ANKEF1: variants seen among roughly 807,000 people sequenced by gnomAD.
ANKEF1 encodes ankyrin repeat and EF-hand domain containing 1, also known as ankyrin repeat and EF-hand domain-containing protein 1.
In ANKEF1, 43 loss-of-function variants were observed where a neutral mutation model predicts 65.1. The ratio of observed to expected loss-of-function variants is 0.66; its 90% CI spans 0.52 to 0.85. The LOEUF (loss-of-function observed/expected upper bound fraction) is 0.85. Ranked by LOEUF, ANKEF1 falls within the 40% of genes least tolerant of loss-of-function variation. ANKEF1 has a pLI of 0.00. For synonymous variants in ANKEF1, 316 were observed against 341.5 expected, an observed-to-expected ratio of 0.93 and a Z score of 0.82; for missense variants, 934 against 952.9, an observed-to-expected ratio of 0.98 and a Z score of 0.26.
chr20:10,053,299 A>G (rs773023891), intron 9 of ANKEF1, 24 bp downstream of exon 9: 2 of 1,573,916 alleles, frequency 1.3e-6, no homozygotes, highest in Non-Finnish European at 1.7e-6. Context: ...TTGACTACCC[A>G]TTAGTAACTG....
intron 6 of ANKEF1, among the ~76,000 whole-genome samples, chr20:10,048,056 G>A (rs980152899): frequency 6.6e-6 from 1 of 152,088 alleles, no homozygotes; most frequent in Admixed American, 6.5e-5. Flanking sequence ...CAGCATATCA[G>A]AATTAGTATG....
At position 10,056,292 on chromosome 20, in the gene ANKEF1, AG is replaced by A; in HGVS notation, c.*633del. ...TTAACAGCCCTAGATCGATAGCCCT[AG>A]CCCTAGATAGATAGCCCTAGCCCTA... On this transcript the variant is annotated 3_prime_UTR_variant, in exon 11 of 11. Coordinates refer to ENST00000378392, the MANE Select transcript of ANKEF1 (RefSeq NM_022096.6). 1 of 55,000 alleles carries A rather than the reference AG, an allele frequency of 1.8e-5. No individual in the cohort carries two copies. The highest frequency in any genetic ancestry group is 4.9e-5 in the Non-Finnish European group (1 of 20,496). 3.4% of individuals were successfully genotyped at this position (55,000 alleles called of 1,614,324 possible).
chr20:10,058,076 A>G lies in ANKEF1; in HGVS notation c.*2416A>G, dbSNP rs1985265642. ...CTCAGTACATCATATCAGGAGGCAC[A>G]TGATGTTGATACCTGATATAAACTT... On this transcript the variant is annotated 3_prime_UTR_variant, in exon 11 of 11. Coordinates refer to ENST00000378392, the MANE Select transcript of ANKEF1 (RefSeq NM_022096.6). 1 of 152,210 alleles carries G rather than the reference A, an allele frequency of 6.6e-6. No homozygotes were observed. The allele number at this position is 152,210 out of a possible 1,614,324, so 9.4% of individuals were successfully genotyped here.
intron 2 of ANKEF1, among the ~76,000 whole-genome samples, chr20:10,037,062 G>T (rs564038280): frequency 1.3e-5 from 2 of 152,306 alleles, no homozygotes; most frequent in Admixed American, 6.5e-5. Context: ...GCTCACTGCC[G>T]TAGAGAATGT....
Position 10,049,912 on chromosome 20 carries a change from A to T in ANKEF1, c.1343A>T (p.Asp448Val), listed in dbSNP as rs1324985814. 1 of 1,614,062 alleles carries T rather than the reference A, an allele frequency of 6.2e-7. No homozygotes were observed. The highest frequency in any genetic ancestry group is 8.5e-7 in the Non-Finnish European group (1 of 1,180,036). The change falls in exon 7 of 11, where the codon GAT becomes GTT. Residue 448 changes from aspartate (D) to valine (V), a missense_variant. Transcript: ENST00000378392. ...IPEYAFPRRQ[D>V]GGPPYYMIET... ...GAGTACGCGTTTCCACGCCGGCAGG[A>T]TGGTGGGCCACCGTATTACATGATT...
intron 3 of ANKEF1, among the ~76,000 whole-genome samples, chr20:10,039,993 AG>A (rs1235252905): frequency 6.6e-6 from 1 of 152,262 alleles, no homozygotes; most frequent in African/African-American, 2.4e-5. Flanking sequence ...ACAATGTAAA[AG>A]TGTAAATTTT....
At chr20:10,036,698 C>G (rs1983878698) in intron 2 of ANKEF1, among the ~76,000 whole-genome samples, 1 of 152,076 alleles carries the variant, frequency 6.6e-6, no homozygotes. Context: ...AAAAATTAGC[C>G]AGGTGTGGTG....
rs969710887 is a variant in ANKEF1 at position 10,053,193 on chromosome 20, C to A, written c.1952C>A (p.Pro651Gln). 6.2e-7 allele frequency: 1 copy of A among 1,613,324 alleles called. No homozygotes were observed. The highest frequency in any genetic ancestry group is 1.3e-5 in the African/African-American group (1 of 74,824). The change falls in exon 9 of 11, where the codon CCG becomes CAG. Residue 651 changes from proline to glutamine, a missense_variant. Physicochemically the swap from Pro to Gln is moderately conservative, Grantham distance 76. Coordinates refer to ENST00000378392, the MANE Select transcript of ANKEF1 (RefSeq NM_022096.6). ...ATTAAAGAAAAGCTAGATAACTTGC[C>A]GAAACCAGCAGAAAATCAAAAACTA... The part of the protein sequence containing the change: ...DLIKEKLDNL[P>Q]KPAENQKLKG...
chr20:10,049,421 T>C lies in ANKEF1; in HGVS notation c.852T>C (p.His284=). Residue 284 remains histidine (H), a synonymous_variant, in exon 7 of 11, where the codon CAT becomes CAC. Transcript: ENST00000378392. ...ACCTGAAATGGAAGAATTTAGATCA[T>C]AAAACGCCCAGGGCTGTGGCTAAGG... ...GCDLKWKNLD[H]KTPRAVAKEG... is the part of the protein sequence containing the mutation. 3 of 1,612,458 alleles carry C rather than the reference T, an allele frequency of 1.9e-6. No individual in the cohort carries two copies. The highest frequency in any genetic ancestry group is 2.5e-6 in the Non-Finnish European group (3 of 1,179,578).
chr20:10,048,000 AC>A (rs1984616897), intron 6 of ANKEF1, among the ~76,000 whole-genome samples: 1 of 152,042 alleles, frequency 6.6e-6, no homozygotes, highest in Non-Finnish European at 1.5e-5. Context: ...TGGGATCAAA[AC>A]CCCCCAGACA....
intron 3 of ANKEF1, among the ~76,000 whole-genome samples, chr20:10,042,263 G>C (rs906092270): frequency 6.6e-6 from 1 of 152,054 alleles, no homozygotes; most frequent in Non-Finnish European, 1.5e-5. Context: ...ATTTTCACTG[G>C]TATATCTTTT....
At position 10,056,600 on chromosome 20, in the gene ANKEF1, G is replaced by C. The variant is rs770595583; in HGVS notation, c.*940G>C. 4 of 152,030 alleles carry C rather than the reference G, an allele frequency of 2.6e-5. No homozygotes were observed. Among genetic ancestry groups the C allele is most frequent in the Admixed American group, 1.3e-4 (2 of 15,252 alleles). 9.4% of individuals were successfully genotyped at this position (152,030 alleles called of 1,614,324 possible). A position where few individuals can be genotyped will look rare whatever the true frequency, so the allele number is the denominator to read the frequency against. ...CCCCAGATGGTTAAGTGCTAAATTT[G>C]TAGGGTAGGCTATCAGGAAGTGCAG... On this transcript the variant is annotated 3_prime_UTR_variant, in exon 11 of 11. Coordinates refer to ENST00000378392, the MANE Select transcript of ANKEF1 (RefSeq NM_022096.6).
At chr20:10,046,298 C>G (rs1467171059) in intron 6 of ANKEF1, among the ~76,000 whole-genome samples, 4 of 152,082 alleles carry the variant, frequency 2.6e-5, no homozygotes, top group Non-Finnish European at 5.9e-5. Flanking sequence ...TTTAAAAATG[C>G]CAACATCAAT....
intron 3 of ANKEF1, among the ~76,000 whole-genome samples, chr20:10,041,134 A>G (rs1010390337): frequency 2.0e-5 from 3 of 151,736 alleles, no homozygotes; most frequent in Non-Finnish European, 4.4e-5. Flanking sequence ...CATTTATTTT[A>G]TATTGTGAAG....
intron 8 of ANKEF1, 82 bp from the exon 9 acceptor site, chr20:10,053,030 C>A: frequency 2.1e-6 from 3 of 1,404,038 alleles, no homozygotes; most frequent in Non-Finnish European, 2.9e-6. Context: ...AGGCTTAGAG[C>A]TGATGTGCTG....
chr20:10,051,350 A>T (rs1984845821), intron 7 of ANKEF1, among the ~76,000 whole-genome samples: 1 of 152,212 alleles, frequency 6.6e-6, no homozygotes, highest in South Asian at 2.1e-4. Context: ...AATGTATTAC[A>T]TGCAGAGAAA....
At position 10,044,388 on chromosome 20, in the gene ANKEF1, G is replaced by A. The variant is rs766610346; in HGVS notation, c.547-6G>A. The A allele has an allele frequency of 4.3e-6, 7 of 1,613,702 alleles. No individual in the cohort carries two copies. The highest frequency in any genetic ancestry group is 5.9e-6 in the Non-Finnish European group (7 of 1,179,760). Reference sequence around the variant, plus strand: ...AGCATCTCATATTGGACTATTTCATGTCCAGTCCACAGGCCGCACAGCTTT... The same window carrying A: ...AGCATCTCATATTGGACTATTTCATATCCAGTCCACAGGCCGCACAGCTTT... On this transcript the variant is annotated splice_polypyrimidine_tract_variant and splice_region_variant and intron_variant, in intron 4 of 10. Coordinates refer to ENST00000378392, the MANE Select transcript of ANKEF1 (RefSeq NM_022096.6).
At position 10,049,578 on chromosome 20, in the gene ANKEF1, GAGGCTTTCCTCCGGGA is replaced by G. The variant is rs1483200626; in HGVS notation, c.1012_1027del (p.Ala338ProfsTer5). 1 of 1,614,018 alleles carries G rather than the reference GAGGCTTTCCTCCGGGA, an allele frequency of 6.2e-7. No individual in the cohort carries two copies. The highest frequency in any genetic ancestry group is 8.5e-7 in the Non-Finnish European group (1 of 1,180,034). On this transcript the variant is annotated frameshift_variant, in exon 7 of 11. Coordinates refer to ENST00000378392, the MANE Select transcript of ANKEF1 (RefSeq NM_022096.6). LOFTEE classifies it high-confidence loss of function. Reference sequence around the variant, plus strand: ...ACTGCACGATTGGTCCGTAGAACGTGAGGCTTTCCTCCGGGAAGCCTTTGCGGTTTTAGACAGGGGT... The same window carrying G: ...ACTGCACGATTGGTCCGTAGAACGTGAGCCTTTGCGGTTTTAGACAGGGGT...
intron 6 of ANKEF1, among the ~76,000 whole-genome samples, chr20:10,047,161 C>G (rs1040443702): frequency 2.0e-5 from 3 of 152,116 alleles, no homozygotes; most frequent in African/African-American, 7.2e-5. Context: ...TTTATGTATT[C>G]CTGGAATAAA....
Sources: allele counts gnomAD v4.1 joint callset (sites outside exome capture counted in the v4.1 genomes callset), GRCh38; gene constraint gnomAD v4.1.1; transcripts MANE v1.5; gene names NCBI Gene and HGNC (gene_info 2026-07-23, HGNC 2026-07-21).